Variants in PLA2G6 observed in about 807,000 individuals in gnomAD.
PLA2G6 encodes 85/88 kDa calcium-independent phospholipase A2.
Under a neutral mutation model 83.8 loss-of-function variants are expected in PLA2G6, and 62 were observed. The ratio of observed to expected loss-of-function variants is 0.74; its 90% CI spans 0.60 to 0.91. The LOEUF (loss-of-function observed/expected upper bound fraction) is 0.91. Among genes scored for constraint, PLA2G6 ranks in the 40% least tolerant of loss-of-function variants. PLA2G6 has a pLI of 0.00. For synonymous variants in PLA2G6, 417 were observed against 449.8 expected, an observed-to-expected ratio of 0.93 and a Z score of 0.92; for missense variants, 944 against 1,102.0, an observed-to-expected ratio of 0.86 and a Z score of 2.03.
rs1306503111 is a variant in PLA2G6 at position 38,123,514 on chromosome 22, C to T, written c.1428-256G>A. On this transcript the variant is annotated intron_variant, in intron 10 of 16. Coordinates refer to ENST00000332509, the MANE Select transcript of PLA2G6 (RefSeq NM_003560.4). This position sits in a 1 kb window ranked among gnomAD's most constrained non-coding sequence, Gnocchi z 4.1. The stretch of plus-strand genomic sequence containing the variant: ...TCGGGGGATAGCATCACTGACCAGG[C>T]GCCATCCCAGCAGGATCTCGGCCAG... Among the ~76,000 whole-genome samples the T allele has an allele frequency of 2.6e-5, 4 of 152,126 alleles. No individual in the cohort carries two copies. The highest frequency in any genetic ancestry group is 1.9e-4 in the East Asian group (1 of 5,194).
Position 38,120,718 on chromosome 22 carries a change from G to C in PLA2G6, c.1742+41C>G, listed in dbSNP as rs771075620. 5 of 1,610,030 alleles carry C rather than the reference G, an allele frequency of 3.1e-6. No individual in the cohort carries two copies. In the East Asian group the frequency reaches 1.1e-4, roughly 36 times the overall value. On this transcript the variant is annotated intron_variant, in intron 12 of 16. Coordinates refer to ENST00000332509, the MANE Select transcript of PLA2G6 (RefSeq NM_003560.4). ...TCTGTCCCCAGGGAACAGCCACAGT[G>C]GGCACAGCTGCGGCCACGGCCCCAG...
At chr22:38,138,500 T>C (rs5750542) in intron 5 of PLA2G6, 85,104 of 152,018 alleles carry the variant, frequency 0.56, 24,363 homozygotes, top group African/African-American at 0.66. Flanking sequence ...GTGCTGCCCG[T>C]CCATGCCTTC....
chr22:38,119,564 T>C (rs2087404909), intron 12 of PLA2G6, among the ~76,000 whole-genome samples: 1 of 152,166 alleles, frequency 6.6e-6, no homozygotes, highest in Non-Finnish European at 1.5e-5. Context: ...AGGCTGGGCA[T>C]GGTGGCTGAT....
chr22:38,178,896 A>C (rs8142004), intron 1 of PLA2G6, among the ~76,000 whole-genome samples: 10,143 of 152,082 alleles, frequency 0.067, 544 homozygotes, highest in African/African-American at 0.14. Flanking sequence ...ACCAAAAAAA[A>C]CCCCACAAAA....
At chr22:38,155,252 A>G (rs2089732246) in intron 2 of PLA2G6, among the ~76,000 whole-genome samples, 1 of 152,132 alleles carries the variant, frequency 6.6e-6, no homozygotes, top group South Asian at 2.1e-4. Flanking sequence ...AATCAAGCAG[A>G]AATTCTGGAC....
chr22:38,121,798 C>A (rs1259366349), intron 11 of PLA2G6, among the ~76,000 whole-genome samples: 1 of 152,186 alleles, frequency 6.6e-6, no homozygotes, highest in Non-Finnish European at 1.5e-5. Context: ...GCCCAGTCTG[C>A]CTGCTCAGAC....
At chr22:38,154,466 T>A (rs905164959) in intron 2 of PLA2G6, among the ~76,000 whole-genome samples, 1 of 152,206 alleles carries the variant, frequency 6.6e-6, no homozygotes, top group African/African-American at 2.4e-5. Flanking sequence ...TGCCTGGTAA[T>A]CCAGAGAATT....
Position 38,112,107 on chromosome 22 carries a change from T to G in PLA2G6, c.*54A>C. Reference sequence around the variant, plus strand: ...GGGAGGGCAGTGGCTGGGCTTGGCCTGGCAGGGGCTGAATGGACGAGGTCA... The same window carrying G: ...GGGAGGGCAGTGGCTGGGCTTGGCCGGGCAGGGGCTGAATGGACGAGGTCA... On this transcript the variant is annotated 3_prime_UTR_variant, in exon 17 of 17. Coordinates refer to ENST00000332509, the MANE Select transcript of PLA2G6 (RefSeq NM_003560.4). The G allele has an allele frequency of 7.1e-6, 11 of 1,549,664 alleles. No homozygotes were observed. Among genetic ancestry groups the G allele is most frequent in the Non-Finnish European group, 9.6e-6 (11 of 1,146,186 alleles).
intron 1 of PLA2G6, among the ~76,000 whole-genome samples, chr22:38,178,531 C>A (rs2090723447): frequency 6.6e-6 from 1 of 152,120 alleles, no homozygotes; most frequent in African/African-American, 2.4e-5. Context: ...TGTGATTGTG[C>A]CACTGCAATC....
chr22:38,123,224 C>T lies in PLA2G6; in HGVS notation c.1462G>A (p.Val488Met), dbSNP rs2087627297. Reference sequence around the variant, plus strand: ...AGCTGGATGATGATGAGGCCTTTCACTCCTCCTCCATCCAGGCACAGCAGG... The same window carrying T: ...AGCTGGATGATGATGAGGCCTTTCATTCCTCCTCCATCCAGGCACAGCAGG... ...DHLLCLDGGG[V>M]KGLIIIQLLI... Residue 488 changes from valine to methionine, a missense_variant, in exon 11 of 17, where the codon GTG (valine) becomes ATG (methionine). Coordinates refer to ENST00000332509, the MANE Select transcript of PLA2G6 (RefSeq NM_003560.4). The surrounding 1 kb of genome is among the most constrained non-coding windows in gnomAD (Gnocchi z 4.1). 1 of 1,558,130 alleles carries T rather than the reference C, an allele frequency of 6.4e-7. No individual in the cohort carries two copies. The highest frequency in any genetic ancestry group is 8.7e-7 in the Non-Finnish European group (1 of 1,150,662).
intron 14 of PLA2G6, among the ~76,000 whole-genome samples, chr22:38,114,840 G>C (rs965416746): frequency 6.6e-6 from 1 of 152,170 alleles, no homozygotes; most frequent in African/African-American, 2.4e-5. Context: ...CAGGCGCTAT[G>C]ATGGCCCCAT....
In PLA2G6 at chr22:38,171,117, A is replaced by T. The variant is rs1047191362; in HGVS notation, c.-45-1646T>A. 1.5e-4 allele frequency among the ~76,000 whole-genome samples: 23 copies of T among 150,134 alleles called. No individual in the cohort carries two copies. In the Admixed American group the frequency reaches 1.5e-3, roughly 10 times the overall value. Reference sequence around the variant, plus strand: ...AACCTGGGAGGCGGAGGTTGCGGTGAGCTGAGATGGCGCCATTGCACTCCA... The same window carrying T: ...AACCTGGGAGGCGGAGGTTGCGGTGTGCTGAGATGGCGCCATTGCACTCCA... On this transcript the variant is annotated intron_variant, in intron 1 of 16. Transcript: ENST00000332509.
At position 38,169,523 on chromosome 22, in the gene PLA2G6, C is replaced by T. The variant is rs11570603; in HGVS notation, c.-45-52G>A. 0.011 allele frequency: 11,462 copies of T among 1,022,568 alleles called. 835 individuals carry two copies. In the African/African-American group the frequency reaches 0.16, roughly 14 times the overall value. 63.3% of individuals were successfully genotyped at this position (1,022,568 alleles called of 1,614,324 possible). On this transcript the variant is annotated intron_variant, in intron 1 of 16. Transcript: ENST00000332509. The stretch of plus-strand genomic sequence containing the variant: ...GCCAGGCACAGTCTCCCATGCCCAT[C>T]TCACCCAGTGCAGCGGTTTCCTGCA...
intron 2 of PLA2G6, among the ~76,000 whole-genome samples, chr22:38,164,441 C>T (rs1299391422): frequency 6.6e-6 from 1 of 152,216 alleles, no homozygotes; most frequent in East Asian, 1.9e-4. Flanking sequence ...GTGGGACTGT[C>T]GTGAGGATAA....
Position 38,164,923 on chromosome 22 carries a change from G to A in PLA2G6, c.209+4295C>T, listed in dbSNP as rs571474500. Among the ~76,000 whole-genome samples, 29 of 151,972 alleles carry A rather than the reference G, an allele frequency of 1.9e-4. 1 individual carries two copies. Among genetic ancestry groups the A allele is most frequent in the Admixed American group, 5.9e-4 (9 of 15,280 alleles). On this transcript the variant is annotated intron_variant, in intron 2 of 16. Coordinates refer to ENST00000332509, the MANE Select transcript of PLA2G6 (RefSeq NM_003560.4). ...GGAGAACACTGCAATGACCACCCCC[G>A]GCCCTGGAGAACCCCAGGGCTCCAG...
rs780784951 is a variant in PLA2G6 at position 38,115,627 on chromosome 22, C to T, written c.1934G>A (p.Arg645Gln). 10 of 1,607,188 alleles carry T rather than the reference C, an allele frequency of 6.2e-6. No homozygotes were observed. Among genetic ancestry groups the T allele is most frequent in the East Asian group, 2.2e-5 (1 of 44,696 alleles). Reference protein sequence around the residue: ...RSSGAAPTYFRPNGRFLDGGL... With the variant: ...RSSGAAPTYFQPNGRFLDGGL... ...ACCGTCCAGGAAGCGCCCATTGGGTCGGAAGTAAGTAGGAGCTGCCCCGCT... is the reference window on the plus strand; with the variant it reads ...ACCGTCCAGGAAGCGCCCATTGGGTTGGAAGTAAGTAGGAGCTGCCCCGCT... The change falls in exon 14 of 17, where the codon CGA becomes CAA. Residue 645 changes from arginine to glutamine, a missense_variant. Physicochemically the swap from Arg to Gln is conservative, Grantham distance 43 (BLOSUM62 1). Transcript: ENST00000332509.
chr22:38,130,429 T>C (rs1431251590), intron 7 of PLA2G6: 2 of 152,310 alleles, frequency 1.3e-5, no homozygotes, highest in Non-Finnish European at 1.5e-5. Flanking sequence ...GCAATTCTCC[T>C]GCCTCAGCCT....
intron 13 of PLA2G6, 157 bp downstream of exon 13, chr22:38,115,918 C>T: frequency 6.9e-7 from 1 of 1,443,540 alleles, no homozygotes; most frequent in Non-Finnish European, 9.4e-7. Context: ...CCTGACAGCT[C>T]CCCCGCAATC....
At chr22:38,129,659 G>A in intron 7 of PLA2G6, 97 bp from the exon 8 acceptor site, 1 of 863,884 alleles carries the variant, frequency 1.2e-6, no homozygotes, top group Admixed American at 1.9e-5. Flanking sequence ...AACTCACCCA[G>A]CGGGCCTCTC....
Sources: gnomAD v4.1 joint callset for allele counts (sites outside exome capture counted in the v4.1 genomes callset) on GRCh38, gnomAD v4.1.1 for gene constraint, Gnocchi (gnomAD v3.1) non-coding constraint, MANE v1.5 for transcripts, NCBI Gene and HGNC (gene_info 2026-07-23, HGNC 2026-07-21) for gene names.